The following DNAH12 variants were observed in gnomAD, a reference collection of about 807,000 sequenced individuals.
DNAH12 encodes axonemal beta dynein heavy chain 12.
A neutral mutation model predicts 371.5 loss-of-function variants in DNAH12; 285 were observed. The ratio of observed to expected loss-of-function variants is 0.77; its 90% CI spans 0.70 to 0.85. The LOEUF (loss-of-function observed/expected upper bound fraction) is 0.85, where lower values mean the gene tolerates loss of function less well. DNAH12 is among the 40% of genes least tolerant of loss of function. The pLI, the probability that DNAH12 is intolerant of heterozygous loss-of-function variation, is 0.00. For missense variants in DNAH12, 3,611 were observed against 3,689.4 expected, an observed-to-expected ratio of 0.98 and a Z score of 0.55; for synonymous variants, 1,200 against 1,213.0, an observed-to-expected ratio of 0.99 and a Z score of 0.22.
rs553593936 is a variant in DNAH12 at position 57,327,055 on chromosome 3, T to C, written c.9979-3436A>G. Among the ~76,000 whole-genome samples the C allele has an allele frequency of 1.2e-3, 180 of 151,460 alleles. 1 individual carries two copies. The Middle Eastern group carries it at 0.014, about 11-fold the overall frequency. ...CCCAATACAGGAGCACCCAGATTCA[T>C]AAAGCAAGTCCTGAGTGACCTACAA... On this transcript the variant is annotated intron_variant, in intron 62 of 73. Transcript: ENST00000495027.
chr3:57,409,189 A>G (rs1177041329), intron 39 of DNAH12, among the ~76,000 whole-genome samples: 12 of 152,196 alleles, frequency 7.9e-5, no homozygotes, highest in African/African-American at 2.9e-4. Flanking sequence ...TTTAGCTGGA[A>G]CCACTCAGAG....
chr3:57,445,233 C>T lies in DNAH12; in HGVS notation c.4366G>A (p.Val1456Ile), dbSNP rs370685075. The change falls in exon 28 of 74, where the codon GTT becomes ATT. Residue 1456 changes from valine (V) to isoleucine (I), a missense_variant. By Grantham distance (29) the Val-to-Ile change is conservative. Around this residue, in one of 3 missense-constraint regions of DNAH12, gnomAD observed 2,266 missense variants for 2,236.9 expected, o/e 1.01. Transcript: ENST00000495027. ...YDYGMRAVKA[V>I]LVAAGNLKLK... is the part of the protein sequence containing the mutation. Reference sequence around the variant, plus strand: ...TTTAGATTGCCAGCAGCCACTAAAACGGCTTTTACTGCTCGCATTCCATAG... The same window carrying T: ...TTTAGATTGCCAGCAGCCACTAAAATGGCTTTTACTGCTCGCATTCCATAG... 52 of 1,550,346 alleles carry T rather than the reference C, an allele frequency of 3.4e-5. No individual in the cohort carries two copies. The highest frequency in any genetic ancestry group is 2.9e-4 in the East Asian group (12 of 40,858).
At chr3:57,295,766 A>G (rs1010010628) in intron 72 of DNAH12, among the ~76,000 whole-genome samples, 174 bp from the exon 73 acceptor site, 1 of 152,236 alleles carries the variant, frequency 6.6e-6, no homozygotes, top group South Asian at 2.1e-4. Context: ...GAAACAAAAG[A>G]CAATGATGGA....
intron 4 of DNAH12, among the ~76,000 whole-genome samples, chr3:57,514,177 T>C (rs1307486408): frequency 2.6e-5 from 4 of 152,210 alleles, no homozygotes; most frequent in Middle Eastern, 3.4e-3. Flanking sequence ...GCGGATCACC[T>C]GAGATCAGGA....
At chr3:57,365,555 G>GCA (rs2063032724) in intron 57 of DNAH12, among the ~76,000 whole-genome samples, 1 of 151,978 alleles carries the variant, frequency 6.6e-6, no homozygotes, top group East Asian at 1.9e-4. Flanking sequence ...AATCACCATG[G>GCA]CACACGTTTA....
At chr3:57,426,811 A>G (rs2064783551) in intron 34 of DNAH12, among the ~76,000 whole-genome samples, 1 of 150,114 alleles carries the variant, frequency 6.7e-6, no homozygotes, top group Non-Finnish European at 1.5e-5. Context: ...CCTGGGAGAT[A>G]AAGAGAGACT....
intron 55 of DNAH12, among the ~76,000 whole-genome samples, chr3:57,369,878 G>C (rs1414549334): frequency 6.6e-6 from 1 of 151,886 alleles, no homozygotes; most frequent in Non-Finnish European, 1.5e-5. Flanking sequence ...AAATGTTCTT[G>C]GTTATCCAAT....
rs1367268457 is a variant in DNAH12, at chr3:57,419,516, C to G, written c.5565G>C (p.Leu1855Phe). ...KGLVYDYMYE[L>F]KNKGRWVHWN... ...AATGGACCCAGCGACCTTTGTTTTT[C>G]AACTACAAGAAAATATAAGTTTTAA... The change falls in exon 37 of 74, where the codon TTG becomes TTC. Residue 1855 changes from leucine to phenylalanine, a missense_variant and splice_region_variant. By Grantham distance (22) the Leu-to-Phe change is conservative. Transcript: ENST00000495027. 1 of 1,424,972 alleles carries G rather than the reference C, an allele frequency of 7.0e-7. No homozygotes were observed. Among genetic ancestry groups the G allele is most frequent in the Non-Finnish European group, 9.2e-7 (1 of 1,089,572 alleles). 88.3% of individuals were successfully genotyped at this position (1,424,972 alleles called of 1,614,324 possible).
In DNAH12 at chr3:57,458,133, C is replaced by T. The variant is rs2065954448; in HGVS notation, c.3019G>A (p.Ala1007Thr). ...AAAAGACGTTTCTTTTCAAGATATG[C>T]GTTAAGACCTTTCATAATTTTCTCC... ...LLEKIMKGLN[A>T]YLEKKRLFFP... The change falls in exon 21 of 74, where the codon GCA becomes ACA. Residue 1007 changes from alanine to threonine, a missense_variant. Ala to Thr is a moderately conservative substitution (Grantham distance 58). Transcript: ENST00000495027. 5 of 1,550,080 alleles carry T rather than the reference C, an allele frequency of 3.2e-6. No individual in the cohort carries two copies. Among genetic ancestry groups the T allele is most frequent in the Admixed American group, 2.0e-5 (1 of 50,682 alleles).
intron 13 of DNAH12, 107 bp downstream of exon 13, chr3:57,483,269 G>T (rs549107182): frequency 2.9e-6 from 4 of 1,357,928 alleles, no homozygotes; most frequent in East Asian, 2.5e-5. Flanking sequence ...CAATATAACC[G>T]CTCAATTTAC....
chr3:57,528,738 A>T (rs111476134), intron 2 of DNAH12, among the ~76,000 whole-genome samples: 1 of 151,842 alleles, frequency 6.6e-6, no homozygotes, highest in Admixed American at 6.5e-5. Flanking sequence ...AAAAAAAAAA[A>T]ACAATATTAA....
chr3:57,504,328 C>T, intron 8 of DNAH12, 124 bp from the exon 9 acceptor site: 3 of 861,258 alleles, frequency 3.5e-6, no homozygotes, highest in East Asian at 2.7e-5. Flanking sequence ...TCCTATCAAT[C>T]CATTTAATTG....
intron 26 of DNAH12, 90 bp from the exon 27 acceptor site, chr3:57,446,360 A>C: frequency 6.9e-7 from 1 of 1,456,258 alleles, no homozygotes; most frequent in South Asian, 1.4e-5. Context: ...GTCAGAATTG[A>C]AAGTTAAATT....
intron 13 of DNAH12, among the ~76,000 whole-genome samples, chr3:57,473,723 T>C (rs2066437930): frequency 6.6e-6 from 1 of 150,414 alleles, no homozygotes; most frequent in Non-Finnish European, 1.5e-5. Context: ...ATAATATAGA[T>C]ATAAAATTAT....
intron 60 of DNAH12, among the ~76,000 whole-genome samples, chr3:57,348,473 G>T (rs1444168363): frequency 6.6e-6 from 1 of 152,134 alleles, no homozygotes; most frequent in Non-Finnish European, 1.5e-5. Flanking sequence ...CCAGAGTGAA[G>T]CCTGATGTTA....
chr3:57,476,134 T>C (rs758698691), intron 13 of DNAH12, among the ~76,000 whole-genome samples: 1 of 152,046 alleles, frequency 6.6e-6, no homozygotes, highest in African/African-American at 2.4e-5. Flanking sequence ...TAACATAACA[T>C]TGATGAGAGG....
intron 58 of DNAH12, among the ~76,000 whole-genome samples, chr3:57,358,957 G>C (rs1001419441): frequency 1.3e-5 from 2 of 151,862 alleles, no homozygotes; most frequent in Admixed American, 1.3e-4. Flanking sequence ...GCTAATTTTT[G>C]TATTTTAGTA....
chr3:57,303,125 G>A (rs2061397111), intron 69 of DNAH12, among the ~76,000 whole-genome samples: 1 of 151,374 alleles, frequency 6.6e-6, no homozygotes, highest in East Asian at 2.0e-4. Flanking sequence ...GCATCACGAG[G>A]TCAGGAGATC....
At chr3:57,539,615 CT>C (rs11359818) in intron 2 of DNAH12, among the ~76,000 whole-genome samples, 31,359 of 128,398 alleles carry the variant, frequency 0.24, 3,912 homozygotes, top group African/African-American at 0.43. Context: ...TTTCCTTTTC[CT>C]TTTTTTTTTT....
Sources: gnomAD v4.1 joint callset for allele counts (sites outside exome capture counted in the v4.1 genomes callset) on GRCh38, gnomAD v4.1.1 for gene constraint, gnomAD v4.1.1 regional missense constraint, MANE v1.5 for transcripts, NCBI Gene and HGNC (gene_info 2026-07-23, HGNC 2026-07-21) for gene names.